The following GNG10 variants were observed in gnomAD, a reference collection of about 807,000 sequenced individuals.
GNG10 encodes G protein subunit gamma 10.
GNG10 carries 7 observed loss-of-function variants against 6.8 expected under a neutral mutation model. The ratio of observed to expected loss-of-function variants is 1.02; its 90% CI spans 0.58 to 1.92. GNG10 has a LOEUF of 1.92. Ranked by LOEUF, GNG10 falls within the 30% of genes most tolerant of loss-of-function variation. The pLI, the probability that GNG10 is intolerant of heterozygous loss-of-function variation, is 0.00. For synonymous variants in GNG10, 28 were observed against 34.8 expected (o/e 0.80, Z 0.69); for missense variants, 57 against 86.1 (o/e 0.66, Z 1.34).
At chr9:111,662,842 A>G (rs1830844186) in intron 1 of GNG10, among the ~76,000 whole-genome samples, 1 of 152,246 alleles carries the variant, frequency 6.6e-6, no homozygotes, top group African/African-American at 2.4e-5. Context: ...CTGGACTGTC[A>G]TAGGGTAGGC....
intron 2 of GNG10, among the ~76,000 whole-genome samples, chr9:111,667,281 G>A (rs930553395): frequency 6.6e-6 from 1 of 152,006 alleles, no homozygotes; most frequent in Non-Finnish European, 1.5e-5. Flanking sequence ...CCAGGCTGGA[G>A]TACAGTGGCA....
chr9:111,664,095 A>G (rs574507489), intron 1 of GNG10, among the ~76,000 whole-genome samples: 2 of 151,524 alleles, frequency 1.3e-5, no homozygotes, highest in South Asian at 2.1e-4. Flanking sequence ...TCAAGCTCCC[A>G]AAGTGCTGGG....
chr9:111,662,750 G>T (rs909265994), intron 1 of GNG10, among the ~76,000 whole-genome samples: 3 of 152,312 alleles, frequency 2.0e-5, no homozygotes, highest in African/African-American at 7.2e-5. Context: ...ACTAAGTGGA[G>T]TGAAGATAAT....
rs367693053 is a variant in GNG10 at position 111,669,959 on chromosome 9, C to G, written c.*697C>G. On this transcript the variant is annotated 3_prime_UTR_variant, in exon 3 of 3. Coordinates refer to ENST00000374293, the MANE Select transcript of GNG10 (RefSeq NM_001017998.4). ...AGCAGATTTGATTTTTGTATTCTTA[C>G]GTTTCTCTGCTTTGTAGTTGTGGCT... is the stretch of plus-strand genomic sequence containing the variant. The G allele has an allele frequency of 1.4e-5, 2 of 145,324 alleles. No individual in the cohort carries two copies. The highest frequency in any genetic ancestry group is 3.0e-5 in the Non-Finnish European group (2 of 66,966). 9.0% of individuals were successfully genotyped at this position (145,324 alleles called of 1,614,324 possible).
intron 1 of GNG10, among the ~76,000 whole-genome samples, chr9:111,666,404 G>A (rs924700419): frequency 6.6e-6 from 1 of 152,198 alleles, no homozygotes; most frequent in Non-Finnish European, 1.5e-5. Context: ...GTTTGGAGCA[G>A]ACTGAATAAG....
chr9:111,666,993 A>G, intron 2 of GNG10, 47 bp downstream of exon 2: 2 of 1,595,634 alleles, frequency 1.3e-6, no homozygotes, highest in Non-Finnish European at 1.7e-6. Flanking sequence ...GCATTATCAC[A>G]GGGCTTCCCA....
chr9:111,665,649 G>A (rs1205578688), intron 1 of GNG10, among the ~76,000 whole-genome samples: 1 of 152,202 alleles, frequency 6.6e-6, no homozygotes, highest in Non-Finnish European at 1.5e-5. Context: ...GATAGGTGCA[G>A]AGACTCTTGA....
chr9:111,668,453 CTTCTTCCCTTCCCTT>C (rs1830943420), intron 2 of GNG10, among the ~76,000 whole-genome samples: 8 of 126,736 alleles, frequency 6.3e-5, no homozygotes, highest in South Asian at 5.5e-4. Context: ...CCCCTCCCCT[CTTCTTCCCTTCCCTT>C]CCCTCCTTCT....
chr9:111,666,796 T>G lies in GNG10; in HGVS notation c.82-19T>G, dbSNP rs767642461. The stretch of plus-strand genomic sequence containing the variant: ...CTTGGCTGTGAGCAGGGTGCCATGT[T>G]GCTGTCCCTTTGTTTCAGGTCTCTC... On this transcript the variant is annotated intron_variant, in intron 1 of 2. Transcript: ENST00000374293. 2 of 1,611,076 alleles carry G rather than the reference T, an allele frequency of 1.2e-6. No homozygotes were observed. The highest frequency in any genetic ancestry group is 1.7e-6 in the Non-Finnish European group (2 of 1,178,906).
intron 1 of GNG10, among the ~76,000 whole-genome samples, chr9:111,665,106 C>A (rs1830877411): frequency 6.6e-6 from 1 of 152,028 alleles, no homozygotes. Flanking sequence ...GTAACATAAA[C>A]AGTTAATTTT....
In GNG10 at chr9:111,669,612, C is replaced by T. The variant is rs1046477695; in HGVS notation, c.*350C>T. On this transcript the variant is annotated 3_prime_UTR_variant, in exon 3 of 3. Transcript: ENST00000374293. ...TGGAATATCATGTATGTTTCATTTA[C>T]TGGATGTTTACATTTTAGGAAGGAA... 2.1e-5 allele frequency: 3 copies of T among 144,064 alleles called. No homozygotes were observed. The highest frequency in any genetic ancestry group is 4.1e-4 in the East Asian group (2 of 4,894). The allele number at this position is 144,064 out of a possible 1,614,324, so 8.9% of individuals were successfully genotyped here.
In GNG10 at chr9:111,661,646, G is replaced by C. The variant is rs774025053; in HGVS notation, c.12G>C (p.Gly4=). ...CCAGCGCCGCCGCCATGTCCTCCGGGGCTAGCGCGAGCGCCCTGCAGCGCT... is the reference window on the plus strand; with the variant it reads ...CCAGCGCCGCCGCCATGTCCTCCGGCGCTAGCGCGAGCGCCCTGCAGCGCT... MSS[G]ASASALQRLV... Residue 4 remains glycine (G), a synonymous_variant, in exon 1 of 3, where the codon GGG becomes GGC. Transcript: ENST00000374293. The surrounding 1 kb of genome is among the most constrained non-coding windows in gnomAD (Gnocchi z 6.1). 2 of 1,358,652 alleles carry C rather than the reference G, an allele frequency of 1.5e-6. No homozygotes were observed. Among genetic ancestry groups the C allele is most frequent in the Non-Finnish European group, 9.7e-7 (1 of 1,035,064 alleles). 84.2% of individuals were successfully genotyped at this position (1,358,652 alleles called of 1,614,324 possible).
chr9:111,664,663 T>A (rs549966995), intron 1 of GNG10, among the ~76,000 whole-genome samples: 1 of 152,298 alleles, frequency 6.6e-6, no homozygotes, highest in African/African-American at 2.4e-5. Context: ...ACAGCCTCTC[T>A]CCCTTGCTAG....
chr9:111,666,728 A>G, intron 1 of GNG10, 87 bp from the exon 2 acceptor site: 1 of 1,484,838 alleles, frequency 6.7e-7, no homozygotes, highest in Non-Finnish European at 9.0e-7. Flanking sequence ...GATATTTACC[A>G]AGTTGGATGA....
chr9:111,666,714 A>C, intron 1 of GNG10, 101 bp from the exon 2 acceptor site: 2 of 1,442,812 alleles, frequency 1.4e-6, no homozygotes, highest in African/African-American at 1.4e-5. Context: ...GGTCACAAAA[A>C]GTTGATATTT....
intron 1 of GNG10, 29 bp from the exon 2 acceptor site, chr9:111,666,786 G>A (rs1169415047): frequency 3.1e-6 from 5 of 1,606,702 alleles, no homozygotes; most frequent in African/African-American, 1.3e-5. Context: ...CTGTGAGCAG[G>A]GTGCCATGTT....
chr9:111,666,114 T>G (rs976338647), intron 1 of GNG10, among the ~76,000 whole-genome samples: 4 of 152,132 alleles, frequency 2.6e-5, no homozygotes, highest in Non-Finnish European at 4.4e-5. Context: ...GTGATCACGT[T>G]TGCAGTCTAC....
At chr9:111,667,005 A>G in intron 2 of GNG10, 59 bp downstream of exon 2, 1 of 1,582,236 alleles carries the variant, frequency 6.3e-7, no homozygotes, top group Non-Finnish European at 8.6e-7. Context: ...GGCTTCCCAA[A>G]GGACTTGAGC....
rs747996557 is a variant in GNG10 at position 111,666,873 on chromosome 9, C to T, written c.140C>T (p.Ala47Val). 1 of 1,613,772 alleles carries T rather than the reference C, an allele frequency of 6.2e-7. No individual in the cohort carries two copies. Among genetic ancestry groups the T allele is most frequent in the Non-Finnish European group, 8.5e-7 (1 of 1,179,898 alleles). ...TGTATGCAGAATGCCTGCAAGGATG[C>T]CCTGCTGGTGGGTGTTCCAGCTGGA... ...QYCMQNACKD[A>V]LLVGVPAGSN... The change falls in exon 2 of 3, where the codon GCC becomes GTC. Residue 47 changes from alanine to valine, a missense_variant. Physicochemically the swap from Ala to Val is moderately conservative, Grantham distance 64. Transcript: ENST00000374293.
Sources: gnomAD v4.1 joint callset for allele counts (sites outside exome capture counted in the v4.1 genomes callset) on GRCh38, gnomAD v4.1.1 for gene constraint, Gnocchi (gnomAD v3.1) non-coding constraint, MANE v1.5 for transcripts, NCBI Gene and HGNC (gene_info 2026-07-23, HGNC 2026-07-21) for gene names.